KHDRBS2: variants seen among roughly 807,000 people sequenced by gnomAD.
KHDRBS2 encodes KH RNA binding domain containing, signal transduction associated 2, also known as KH domain-containing, RNA-binding, signal transduction-associated protein 2.
A neutral mutation model predicts 44.3 loss-of-function variants in KHDRBS2; 26 were observed. The ratio of observed to expected loss-of-function variants is 0.59; its 90% CI spans 0.43 to 0.81. The LOEUF is 0.81. KHDRBS2 is among the 40% of genes least tolerant of loss of function. The pLI, the probability that KHDRBS2 is intolerant of heterozygous loss-of-function variation, is 0.00. For synonymous variants in KHDRBS2, 194 were observed against 151.1 expected (o/e 1.28, Z -2.08); for missense variants, 476 against 433.1 (o/e 1.10, Z -0.88).
chr6:61,689,254 C>T (rs550634962), intron 8 of KHDRBS2, among the ~76,000 whole-genome samples: 5 of 152,048 alleles, frequency 3.3e-5, no homozygotes, highest in African/African-American at 4.8e-5. Context: ...CTCTCTTTGA[C>T]TGGTTTTGAT....
chr6:61,800,647 C>T (rs1786109092), intron 6 of KHDRBS2, among the ~76,000 whole-genome samples: 1 of 152,072 alleles, frequency 6.6e-6, no homozygotes, highest in African/African-American at 2.4e-5. Flanking sequence ...TGTCCTTCTC[C>T]AGATATGGGG....
intron 7 of KHDRBS2, among the ~76,000 whole-genome samples, chr6:61,717,036 T>G (rs1255269190): frequency 2.0e-5 from 3 of 152,074 alleles, no homozygotes; most frequent in Non-Finnish European, 4.4e-5. Flanking sequence ...TTTCAGTTAC[T>G]ATCTAAAACA....
intron 2 of KHDRBS2, among the ~76,000 whole-genome samples, chr6:62,102,404 C>T (rs940477156): frequency 6.6e-6 from 1 of 152,150 alleles, no homozygotes; most frequent in African/African-American, 2.4e-5. Flanking sequence ...AATTCAATGG[C>T]ACCCAAAACC....
intron 2 of KHDRBS2, among the ~76,000 whole-genome samples, chr6:62,069,261 C>T (rs1396377552): frequency 6.6e-6 from 1 of 151,450 alleles, no homozygotes; most frequent in Non-Finnish European, 1.5e-5. Context: ...ATTCTGTATT[C>T]TTATAAAAAA....
intron 2 of KHDRBS2, among the ~76,000 whole-genome samples, chr6:62,068,578 C>A (rs991464935): frequency 6.6e-6 from 1 of 151,272 alleles, no homozygotes; most frequent in Non-Finnish European, 1.5e-5. Flanking sequence ...AATACCACTG[C>A]CTAACCTAGA....
At chr6:62,064,307 G>C (rs1420581144) in intron 2 of KHDRBS2, among the ~76,000 whole-genome samples, 1 of 149,980 alleles carries the variant, frequency 6.7e-6, no homozygotes, top group Non-Finnish European at 1.5e-5. Context: ...AACAAAAAAA[G>C]AGCCCACATC....
intron 4 of KHDRBS2, among the ~76,000 whole-genome samples, chr6:61,955,341 T>C (rs1313220419): frequency 1.4e-5 from 2 of 144,508 alleles, no homozygotes; most frequent in African/African-American, 5.1e-5. Flanking sequence ...TACACATATG[T>C]ATGTATACAT....
intron 7 of KHDRBS2, among the ~76,000 whole-genome samples, chr6:61,708,462 G>A (rs1769952925): frequency 6.6e-6 from 1 of 151,250 alleles, no homozygotes; most frequent in Non-Finnish European, 1.5e-5. Context: ...GACTAACAAA[G>A]CAAAGATCAT....
chr6:61,986,464 A>G (rs1775069934), intron 3 of KHDRBS2, among the ~76,000 whole-genome samples: 1 of 152,204 alleles, frequency 6.6e-6, no homozygotes, highest in African/African-American at 2.4e-5. Flanking sequence ...TCAGTTTGAT[A>G]TTGGTTTAGT....
intron 3 of KHDRBS2, among the ~76,000 whole-genome samples, chr6:62,006,837 G>C (rs1181910603): frequency 1.3e-5 from 2 of 151,800 alleles, no homozygotes; most frequent in African/African-American, 4.8e-5. Flanking sequence ...GATGATGGTG[G>C]AATCATCAAA....
chr6:62,060,294 G>A (rs988820197), intron 2 of KHDRBS2, among the ~76,000 whole-genome samples: 13 of 151,710 alleles, frequency 8.6e-5, no homozygotes, highest in Non-Finnish European at 1.2e-4. Flanking sequence ...ATGGGCTGGG[G>A]GTGAGTGGGA....
chr6:61,866,604 G>GA (rs1282653453), intron 6 of KHDRBS2, among the ~76,000 whole-genome samples: 2 of 152,308 alleles, frequency 1.3e-5, no homozygotes, highest in Non-Finnish European at 1.5e-5. Flanking sequence ...TTTCTCTTCA[G>GA]AAAATGGGAT....
intron 3 of KHDRBS2, among the ~76,000 whole-genome samples, chr6:62,026,519 A>G (rs1783358456): frequency 6.6e-6 from 1 of 151,324 alleles, no homozygotes; most frequent in Admixed American, 6.6e-5. Context: ...ATTAGCCTCA[A>G]CCTCCCAGGC....
At chr6:62,158,975 C>T (rs1253676841) in intron 2 of KHDRBS2, among the ~76,000 whole-genome samples, 1 of 151,876 alleles carries the variant, frequency 6.6e-6, no homozygotes, top group Non-Finnish European at 1.5e-5. Flanking sequence ...TTATTTAGAC[C>T]AGTGATAGCA....
intron 3 of KHDRBS2, among the ~76,000 whole-genome samples, chr6:61,984,383 G>A (rs1248797939): frequency 1.3e-5 from 2 of 151,988 alleles, no homozygotes; most frequent in Non-Finnish European, 2.9e-5. Context: ...TTTCAGATGG[G>A]AAAAATGTGG....
intron 1 of KHDRBS2, among the ~76,000 whole-genome samples, chr6:62,215,071 G>T (rs1436596939): frequency 5.9e-5 from 9 of 151,810 alleles, no homozygotes; most frequent in Non-Finnish European, 1.0e-4. Flanking sequence ...ACAGAGGTCT[G>T]TCTAACAGGT....
At chr6:61,574,293 A>G in the KHDRBS2 span, 2 of 1,451,166 alleles carry the variant, frequency 1.4e-6, no homozygotes. Flanking sequence ...CAAAGGTAGC[A>G]TGATCACTTG....
chr6:61,750,842 A>G (rs1777575868), intron 6 of KHDRBS2, among the ~76,000 whole-genome samples: 1 of 151,938 alleles, frequency 6.6e-6, no homozygotes, highest in Non-Finnish European at 1.5e-5. Flanking sequence ...GTTCCTTCCA[A>G]CATGGAATTT....
chr6:61,956,831 AT>A (rs900488380), intron 4 of KHDRBS2, among the ~76,000 whole-genome samples: 2 of 152,048 alleles, frequency 1.3e-5, no homozygotes, highest in African/African-American at 4.8e-5. Context: ...ATCTCATTTG[AT>A]TTTTTTAAGG....
Sources: gnomAD v4.1 joint callset for allele counts (sites outside exome capture counted in the v4.1 genomes callset) on GRCh38, gnomAD v4.1.1 for gene constraint, MANE v1.5 for transcripts, NCBI Gene and HGNC (gene_info 2026-07-23, HGNC 2026-07-21) for gene names.